PPP1R12A: variants seen among roughly 807,000 people sequenced by gnomAD.
The protein encoded by PPP1R12A is protein phosphatase 1 regulatory subunit 12A.
In PPP1R12A, 19 loss-of-function variants were observed where a neutral mutation model predicts 139.6. The observed-to-expected ratio is 0.14, with a 90% confidence interval of 0.09 to 0.20. PPP1R12A has a LOEUF of 0.20. PPP1R12A is among the 10% of genes least tolerant of loss of function. The pLI is 1.00. For synonymous variants in PPP1R12A, 427 were observed against 420.6 expected, an observed-to-expected ratio of 1.02 and a Z score of -0.19; for missense variants, 925 against 1,211.5, an observed-to-expected ratio of 0.76 and a Z score of 3.51.
At chr12:79,908,964 T>G (rs920526250) in intron 1 of PPP1R12A, among the ~76,000 whole-genome samples, 5 of 152,116 alleles carry the variant, frequency 3.3e-5, no homozygotes, top group African/African-American at 7.2e-5. Flanking sequence ...TGGGGTAGCT[T>G]TAGGAGATAA....
chr12:79,878,712 A>C (rs941412145), intron 1 of PPP1R12A, among the ~76,000 whole-genome samples: 1 of 152,084 alleles, frequency 6.6e-6, no homozygotes, highest in African/African-American at 2.4e-5. Flanking sequence ...AAAACAGGAA[A>C]AGTCCCTTAT....
chr12:79,813,368 A>C (rs368957265), intron 9 of PPP1R12A, among the ~76,000 whole-genome samples: 1 of 152,188 alleles, frequency 6.6e-6, no homozygotes, highest in African/African-American at 2.4e-5. Context: ...CTACTACCTT[A>C]AGTCAAATAT....
chr12:79,932,478 G>A lies in PPP1R12A; in HGVS notation c.237+2217C>T, dbSNP rs115242988. On this transcript the variant is annotated intron_variant, in intron 1 of 24. Transcript: ENST00000450142. ...AAAGACTTTGGCTTCACCGATTTAA[G>A]GCATTTGCAGATATGGAAAAATGTT... Among the ~76,000 whole-genome samples the A allele has an allele frequency of 5.2e-3, 789 of 152,286 alleles. 5 individuals are homozygous for A. Among genetic ancestry groups the A allele is most frequent in the African/African-American group, 0.018 (749 of 41,568 alleles).
intron 1 of PPP1R12A, among the ~76,000 whole-genome samples, chr12:79,874,035 GGAGGCC>G (rs1185550343): frequency 1.3e-5 from 2 of 152,238 alleles, no homozygotes; most frequent in East Asian, 3.9e-4. Flanking sequence ...CAGCACTTTG[GGAGGCC>G]GAGGCGGGCA....
chr12:79,821,640 C>T (rs1592668341), intron 6 of PPP1R12A, among the ~76,000 whole-genome samples: 2 of 151,766 alleles, frequency 1.3e-5, no homozygotes, highest in East Asian at 1.9e-4. Flanking sequence ...GTAGTCCGAG[C>T]TACTCAGGAG....
intron 3 of PPP1R12A, among the ~76,000 whole-genome samples, chr12:79,839,686 A>C (rs949048299): frequency 2.0e-5 from 3 of 152,132 alleles, no homozygotes; most frequent in Non-Finnish European, 4.4e-5. Flanking sequence ...CACCGTGTGA[A>C]GAAGGATATG....
chr12:79,801,392 T>G (rs1873164386), intron 14 of PPP1R12A, among the ~76,000 whole-genome samples: 1 of 137,150 alleles, frequency 7.3e-6, no homozygotes, highest in African/African-American at 2.6e-5. Flanking sequence ...AAAAGCCTCT[T>G]TCTTTTGTTA....
chr12:79,857,052 C>A (rs949722776), intron 2 of PPP1R12A, among the ~76,000 whole-genome samples: 1 of 152,224 alleles, frequency 6.6e-6, no homozygotes, highest in East Asian at 1.9e-4. Context: ...AAAAATTATG[C>A]TCATCCTTTT....
intron 1 of PPP1R12A, among the ~76,000 whole-genome samples, chr12:79,928,722 G>A (rs917231019): frequency 6.6e-6 from 1 of 152,050 alleles, no homozygotes; most frequent in East Asian, 1.9e-4. Flanking sequence ...CAAACTATTT[G>A]CTAACAAGCA....
At chr12:79,927,598 C>A (rs1191328809) in intron 1 of PPP1R12A, among the ~76,000 whole-genome samples, 1 of 152,146 alleles carries the variant, frequency 6.6e-6, no homozygotes, top group East Asian at 1.9e-4. Context: ...ATATTTTCTT[C>A]TTCAGACTTC....
chr12:79,780,565 A>G (rs1216829162), intron 23 of PPP1R12A: 2 of 152,182 alleles, frequency 1.3e-5, no homozygotes, highest in Non-Finnish European at 2.9e-5. Context: ...TATTACTTTC[A>G]TAAGAAAAAT....
chr12:79,776,827 T>C (rs1869786435), intron 24 of PPP1R12A, among the ~76,000 whole-genome samples: 1 of 152,116 alleles, frequency 6.6e-6, no homozygotes, highest in African/African-American at 2.4e-5. Context: ...GGAAATGAAA[T>C]AGCTCATATT....
At chr12:79,873,279 G>A (rs1001250484) in intron 1 of PPP1R12A, among the ~76,000 whole-genome samples, 1 of 152,034 alleles carries the variant, frequency 6.6e-6, no homozygotes, top group African/African-American at 2.4e-5. Context: ...CTGGGGGAAG[G>A]GGGAGTAGAT....
In PPP1R12A at chr12:79,807,254, C is replaced by G; in HGVS notation, c.1627G>C (p.Val543Leu). ...WEDDLKKNSS[V>L]NEGSTYHKSC... ...TTATGATACGTTGATCCTTCATTAA[C>G]TGAGCTATTTTTTTTAAGATCATCT... The change falls in exon 12 of 25, where the codon GTT becomes CTT. Residue 543 changes from valine (V) to leucine (L), a missense_variant. Val to Leu is a conservative substitution (Grantham distance 32). Coordinates refer to ENST00000450142, the MANE Select transcript of PPP1R12A (RefSeq NM_002480.3). 1.3e-6 allele frequency: 2 copies of G among 1,548,114 alleles called. No homozygotes were observed. The highest frequency in any genetic ancestry group is 1.7e-6 in the Non-Finnish European group (2 of 1,143,168).
At chr12:79,863,378 T>C (rs1017592073) in intron 2 of PPP1R12A, among the ~76,000 whole-genome samples, 2 of 151,928 alleles carry the variant, frequency 1.3e-5, no homozygotes, top group Non-Finnish European at 2.9e-5. Flanking sequence ...AAATTGTAAA[T>C]ACCATCGACA....
At chr12:79,847,884 T>C (rs1176506604) in intron 2 of PPP1R12A, among the ~76,000 whole-genome samples, 1 of 152,174 alleles carries the variant, frequency 6.6e-6, no homozygotes, top group Non-Finnish European at 1.5e-5. Flanking sequence ...TACAGCCAGA[T>C]GGAGGCCCAG....
At chr12:79,932,805 T>C (rs1025876394) in intron 1 of PPP1R12A, among the ~76,000 whole-genome samples, 11 of 152,200 alleles carry the variant, frequency 7.2e-5, no homozygotes, top group African/African-American at 2.2e-4. Flanking sequence ...ATCACAATAA[T>C]GTAAATATCA....
chr12:79,828,955 A>G (rs1392330192), intron 4 of PPP1R12A, among the ~76,000 whole-genome samples: 1 of 152,132 alleles, frequency 6.6e-6, no homozygotes, highest in Non-Finnish European at 1.5e-5. Flanking sequence ...GTTGCCTTGA[A>G]ATTAAGGAGC....
chr12:79,821,255 T>C lies in PPP1R12A; in HGVS notation c.868-89A>G, dbSNP rs1254841283. On this transcript the variant is annotated intron_variant, in intron 6 of 24. Transcript: ENST00000450142. ...AGTTTAAAATAATAACAAAGTAGTT[T>C]TTCAGACATTAAATAAGACAAAACA... is the stretch of plus-strand genomic sequence containing the variant. The C allele has an allele frequency of 3.4e-6, 3 of 873,318 alleles. No individual in the cohort carries two copies. The African/African-American group carries it at 5.1e-5, about 15-fold the overall frequency. 54.1% of individuals were successfully genotyped at this position (873,318 alleles called of 1,614,324 possible).
Sources: gnomAD v4.1 joint callset for allele counts (sites outside exome capture counted in the v4.1 genomes callset) on GRCh38, gnomAD v4.1.1 for gene constraint, MANE v1.5 for transcripts, NCBI Gene and HGNC (gene_info 2026-07-23, HGNC 2026-07-21) for gene names.